KIF3B: variants seen among roughly 807,000 people sequenced by gnomAD.
KIF3B encodes the protein kinesin-like protein KIF3B.
In KIF3B, 38 loss-of-function variants were observed where a neutral mutation model predicts 74.3. The ratio of observed to expected loss-of-function variants is 0.51; its 90% CI spans 0.39 to 0.67. The LOEUF (loss-of-function observed/expected upper bound fraction) is 0.67. Among genes scored for constraint, KIF3B ranks in the 30% least tolerant of loss-of-function variants. KIF3B has a pLI of 0.00. For synonymous variants in KIF3B, 326 were observed against 342.5 expected (o/e 0.95, Z 0.53); for missense variants, 649 against 932.0 (o/e 0.70, Z 3.95).
chr20:32,326,956 C>G lies in KIF3B; in HGVS notation c.1862+72C>G, dbSNP rs1362127492. 4 of 779,550 alleles carry G rather than the reference C, an allele frequency of 5.1e-6. No individual in the cohort carries two copies. In the Admixed American group the frequency reaches 9.4e-5, roughly 18 times the overall value. 48.3% of individuals were successfully genotyped at this position (779,550 alleles called of 1,614,324 possible). A position where few individuals can be genotyped will look rare whatever the true frequency, so the allele number is the denominator to read the frequency against. On this transcript the variant is annotated intron_variant, in intron 6 of 8. Coordinates refer to ENST00000375712, the MANE Select transcript of KIF3B (RefSeq NM_004798.4). ...AAAGAATGTTGATAACAAGAGCCCT[C>G]TGGTCAACAAAGGGGTTTGATAAGA...
chr20:32,287,870 ATC>A (rs2047674245), intron 1 of KIF3B, among the ~76,000 whole-genome samples: 1 of 89,168 alleles, frequency 1.1e-5, no homozygotes, highest in Non-Finnish European at 2.1e-5. Flanking sequence ...CTCTAAAAGT[ATC>A]TTTTTTTTTT....
intron 1 of KIF3B, among the ~76,000 whole-genome samples, chr20:32,285,951 CTGAT>C (rs1434123483): frequency 6.6e-6 from 1 of 152,212 alleles, no homozygotes; most frequent in Non-Finnish European, 1.5e-5. Context: ...CTTTGTCACA[CTGAT>C]TGCGGACATT....
chr20:32,312,883 G>A (rs1459437783), intron 2 of KIF3B, among the ~76,000 whole-genome samples: 4 of 152,160 alleles, frequency 2.6e-5, no homozygotes, highest in Non-Finnish European at 4.4e-5. Context: ...GAAACACCTC[G>A]CAGCAGGGTA....
At chr20:32,278,356 C>T (rs1452162968) in intron 1 of KIF3B, among the ~76,000 whole-genome samples, 1 of 152,018 alleles carries the variant, frequency 6.6e-6, no homozygotes, top group South Asian at 2.1e-4. Flanking sequence ...GTCTTCTTTT[C>T]CTTATCTGTG....
rs2047923490 is a variant in KIF3B at position 32,330,203 on chromosome 20, T to A, written c.2031T>A (p.Gly677=). The A allele has an allele frequency of 6.2e-7, 1 of 1,613,596 alleles. No individual in the cohort carries two copies. The change falls in exon 8 of 9, where the codon GGT becomes GGA. Residue 677 remains glycine, a synonymous_variant. Coordinates refer to ENST00000375712, the MANE Select transcript of KIF3B (RefSeq NM_004798.4). ...GCCGGACCACCAGAGACTATGAGGGTCCAGCCATTGCCCCCAAGGTCCAGG... is the reference window on the plus strand; with the variant it reads ...GCCGGACCACCAGAGACTATGAGGGACCAGCCATTGCCCCCAAGGTCCAGG... ...MPSRTTRDYE[G]PAIAPKVQAA... is the part of the protein sequence containing the mutation.
At chr20:32,317,226 G>GA (rs911580822) in intron 5 of KIF3B, among the ~76,000 whole-genome samples, 5 of 151,950 alleles carry the variant, frequency 3.3e-5, no homozygotes, top group Admixed American at 1.3e-4. Flanking sequence ...GACGGAGTGA[G>GA]AAAAAAACAC....
chr20:32,290,639 G>A (rs1254648967), intron 1 of KIF3B, among the ~76,000 whole-genome samples: 1 of 152,212 alleles, frequency 6.6e-6, no homozygotes, highest in African/African-American at 2.4e-5. Flanking sequence ...GGGAGGCCAA[G>A]GCGGAAGGAT....
chr20:32,301,990 A>T, intron 1 of KIF3B, among the ~76,000 whole-genome samples: 1 of 152,248 alleles, frequency 6.6e-6, no homozygotes, highest in East Asian at 1.9e-4. Flanking sequence ...AACCATTCAA[A>T]CAGTGGGTGT....
At chr20:32,297,374 A>G (rs2047721741) in intron 1 of KIF3B, among the ~76,000 whole-genome samples, 1 of 152,256 alleles carries the variant, frequency 6.6e-6, no homozygotes, top group South Asian at 2.1e-4. Context: ...TACTCATTAA[A>G]GAGAATTTGG....
At chr20:32,289,647 G>T (rs950817022) in intron 1 of KIF3B, among the ~76,000 whole-genome samples, 1 of 152,138 alleles carries the variant, frequency 6.6e-6, no homozygotes, top group Non-Finnish European at 1.5e-5. Context: ...TATAACAAGT[G>T]ATACTGATTT....
chr20:32,308,847 C>T (rs2047785608), intron 1 of KIF3B, among the ~76,000 whole-genome samples: 1 of 151,722 alleles, frequency 6.6e-6, no homozygotes, highest in African/African-American at 2.4e-5. Flanking sequence ...TCCCAAGTAG[C>T]TGGGACTATA....
intron 1 of KIF3B, among the ~76,000 whole-genome samples, chr20:32,301,880 C>T (rs904585434): frequency 5.9e-5 from 9 of 152,134 alleles, no homozygotes; most frequent in Non-Finnish European, 7.3e-5. Flanking sequence ...AGTTGGAGAA[C>T]GGTCTGGAAG....
chr20:32,294,188 T>C (rs754005110), intron 1 of KIF3B, among the ~76,000 whole-genome samples: 4 of 152,248 alleles, frequency 2.6e-5, no homozygotes, highest in Non-Finnish European at 5.9e-5. Context: ...TTTTATGTTT[T>C]ACAATTGAAT....
chr20:32,277,837 T>C (rs976591550), intron 1 of KIF3B, 72 bp downstream of exon 1: 1 of 174,046 alleles, frequency 5.7e-6, no homozygotes, highest in Non-Finnish European at 1.2e-5. Context: ...CCCTGCGACC[T>C]GCGCCCGCGC....
In KIF3B at chr20:32,299,411, T is replaced by A. The variant is rs1398773169; in HGVS notation, c.-65-10302T>A. Among the ~76,000 whole-genome samples, 29 of 74,160 alleles carry A rather than the reference T, an allele frequency of 3.9e-4. 1 individual carries two copies. Among genetic ancestry groups the A allele is most frequent in the Middle Eastern group, 5.8e-3 (1 of 172 alleles). 48.7% of individuals were successfully genotyped at this position (74,160 alleles called of 152,430 possible). ...TATATATATATATATATATTTTTTT[T>A]TTTTTTTTTTTTTTTTTGAGACAGA... On this transcript the variant is annotated intron_variant, in intron 1 of 8. Transcript: ENST00000375712.
rs1452137942 is a variant in KIF3B at position 32,331,398 on chromosome 20, T to C, written c.*79T>C. The C allele has an allele frequency of 4.1e-5, 49 of 1,190,600 alleles. No individual in the cohort carries two copies. The South Asian group carries it at 6.4e-4, about 15-fold the overall frequency. The allele number at this position is 1,190,600 out of a possible 1,614,324, so 73.8% of individuals were successfully genotyped here. On this transcript the variant is annotated 3_prime_UTR_variant, in exon 9 of 9. Coordinates refer to ENST00000375712, the MANE Select transcript of KIF3B (RefSeq NM_004798.4). ...GACTAGCAAAAAGCTGCAGAGAGGA[T>C]TCGGCCCAAACTCAGAACTGTTCCC...
intron 7 of KIF3B, among the ~76,000 whole-genome samples, chr20:32,329,759 T>C (rs1332991604): frequency 6.6e-6 from 1 of 152,226 alleles, no homozygotes; most frequent in Non-Finnish European, 1.5e-5. Context: ...CAATGTTTTT[T>C]TTCTTTTTGC....
intron 1 of KIF3B, among the ~76,000 whole-genome samples, chr20:32,296,110 G>A (rs934539815): frequency 2.6e-5 from 4 of 151,602 alleles, no homozygotes; most frequent in Admixed American, 1.3e-4. Context: ...TGATCCACCC[G>A]CCTCGGCCTC....
chr20:32,318,067 C>T (rs181916976), intron 5 of KIF3B, among the ~76,000 whole-genome samples: 16 of 152,132 alleles, frequency 1.1e-4, no homozygotes, highest in Admixed American at 2.6e-4. Flanking sequence ...TTTGGGAGGC[C>T]GAGGCAGGTG....
Sources: allele counts gnomAD v4.1 joint callset (sites outside exome capture counted in the v4.1 genomes callset), GRCh38; gene constraint gnomAD v4.1.1; transcripts MANE v1.5; gene names NCBI Gene and HGNC (gene_info 2026-07-23, HGNC 2026-07-21).